The following DGAT2L6 variants were observed in gnomAD, a reference collection of about 807,000 sequenced individuals.
DGAT2L6 encodes the protein diacylglycerol O-acyltransferase 2-like protein 6.
DGAT2L6 carries 22 observed loss-of-function variants against 25.5 expected under a neutral mutation model. The observed-to-expected ratio is 0.86, with a 90% CI of 0.62 to 1.23. DGAT2L6 has a LOEUF of 1.23. DGAT2L6 is among the 50% of genes most tolerant of loss of function. The pLI, the probability that DGAT2L6 is intolerant of heterozygous loss-of-function variation, is 0.00. For synonymous variants in DGAT2L6, 100 were observed against 94.7 expected (o/e 1.06, Z -0.32); for missense variants, 287 against 253.2 (o/e 1.13, Z -0.91).
At chrX:70,185,187 C>T (rs1256997806) in intron 1 of DGAT2L6, among the ~76,000 whole-genome samples, 1 of 111,089 alleles carries the variant, frequency 9.0e-6, no homozygotes, top group Non-Finnish European at 1.9e-5. Context: ...GATGTTACTC[C>T]CAGGCCTTGG....
At chrX:70,199,211 T>C in intron 1 of DGAT2L6, 60 bp from the exon 2 acceptor site, 1 of 779,880 alleles carries the variant, frequency 1.3e-6, no homozygotes, top group Non-Finnish European at 1.9e-6. Flanking sequence ...GCCGGGGTTA[T>C]GAGAAGTATA....
intron 1 of DGAT2L6, among the ~76,000 whole-genome samples, chrX:70,179,562 CTTT>C (rs3084451): frequency 0.049 from 3,162 of 64,158 alleles, 206 homozygotes; most frequent in African/African-American, 0.21. Flanking sequence ...TCTGAGGCAG[CTTT>C]TTTTTTTTTT....
At chrX:70,202,982 G>A (rs750335199) in intron 5 of DGAT2L6, among the ~76,000 whole-genome samples, 4 of 111,646 alleles carry the variant, frequency 3.6e-5, no homozygotes, top group Non-Finnish European at 3.8e-5. Context: ...GCCTCTTTGC[G>A]GTCCCTCAAG....
chrX:70,187,113 C>T (rs2085362052), intron 1 of DGAT2L6, among the ~76,000 whole-genome samples: 1 of 111,740 alleles, frequency 8.9e-6, no homozygotes, highest in African/African-American at 3.3e-5. Flanking sequence ...AAAATCAAGT[C>T]CTGGACCATA....
intron 4 of DGAT2L6, among the ~76,000 whole-genome samples, chrX:70,201,183 A>G (rs1248712999): frequency 8.9e-6 from 1 of 112,027 alleles, no homozygotes; most frequent in Non-Finnish European, 1.9e-5. Flanking sequence ...GTCCCAGAGG[A>G]TGCTTCTACT....
At chrX:70,202,385 T>C (rs1228040437) in intron 5 of DGAT2L6, among the ~76,000 whole-genome samples, 2 of 111,939 alleles carry the variant, frequency 1.8e-5, no homozygotes, top group East Asian at 5.6e-4. Context: ...CCTAAGAATC[T>C]ACCAACTGCA....
chrX:70,188,375 A>T (rs2085365679), intron 1 of DGAT2L6, among the ~76,000 whole-genome samples: 1 of 111,812 alleles, frequency 8.9e-6, no homozygotes, highest in African/African-American at 3.2e-5. Flanking sequence ...AAAGAAAAAT[A>T]GACAAATTAG....
At position 70,199,884 on chromosome X, in the gene DGAT2L6, T is replaced by C. The variant is rs369660367; in HGVS notation, c.267+2T>C. ...TTCCGAAATTACTTCCCAGTAAAGG[T>C]GACCACTCTTCCTCGGGGTGCCCTC... On this transcript the variant is annotated splice_donor_variant, in intron 3 of 6. Coordinates refer to ENST00000333026, the MANE Select transcript of DGAT2L6 (RefSeq NM_198512.3). LOFTEE classifies it high-confidence loss of function. 1.4e-5 allele frequency: 17 copies of C among 1,206,801 alleles called. No homozygotes were observed. Among genetic ancestry groups the C allele is most frequent in the Middle Eastern group, 4.6e-4 (2 of 4,342 alleles).
intron 4 of DGAT2L6, 106 bp from the exon 5 acceptor site, chrX:70,201,784 A>T: frequency 2.2e-6 from 2 of 894,645 alleles, no homozygotes; most frequent in Non-Finnish European, 3.1e-6. Context: ...AAACAGCAAT[A>T]GTCAGAAAAC....
chrX:70,201,287 T>C (rs981451363), intron 4 of DGAT2L6, among the ~76,000 whole-genome samples: 1 of 112,124 alleles, frequency 8.9e-6, no homozygotes, highest in South Asian at 3.7e-4. Flanking sequence ...CAATAGAAGG[T>C]GAGCGCAGGG....
intron 1 of DGAT2L6, among the ~76,000 whole-genome samples, chrX:70,192,597 C>A (rs1310737577): frequency 9.0e-6 from 1 of 111,445 alleles, no homozygotes. Context: ...TATCTTGAGG[C>A]AAATGAAAAT....
intron 1 of DGAT2L6, among the ~76,000 whole-genome samples, chrX:70,186,437 A>T (rs1191989899): frequency 8.9e-6 from 1 of 112,138 alleles, no homozygotes; most frequent in Non-Finnish European, 1.9e-5. Flanking sequence ...GAGAATTTTG[A>T]TAAGCAGAAA....
chrX:70,194,628 A>T (rs1020662308), intron 1 of DGAT2L6, among the ~76,000 whole-genome samples: 1 of 111,923 alleles, frequency 8.9e-6, no homozygotes, highest in Non-Finnish European at 1.9e-5. Context: ...GGGTCCCAAG[A>T]ATACACAATG....
At chrX:70,180,318 G>A (rs112336634) in intron 1 of DGAT2L6, among the ~76,000 whole-genome samples, 11,753 of 109,974 alleles carry the variant, frequency 0.11, 1,105 homozygotes, top group African/African-American at 0.3. Context: ...GTGTGGTGGC[G>A]CGTGCCTGTA....
chrX:70,190,919 C>A, intron 1 of DGAT2L6, among the ~76,000 whole-genome samples: 1 of 112,254 alleles, frequency 8.9e-6, no homozygotes, highest in Non-Finnish European at 1.9e-5. Flanking sequence ...TCAGTCTTGG[C>A]TATAGACCTT....
intron 1 of DGAT2L6, among the ~76,000 whole-genome samples, chrX:70,191,052 A>G (rs1268364780): frequency 8.9e-6 from 1 of 112,451 alleles, no homozygotes; most frequent in Non-Finnish European, 1.9e-5. Flanking sequence ...AAATCACTCT[A>G]TAAAGACTGA....
intron 1 of DGAT2L6, among the ~76,000 whole-genome samples, chrX:70,180,989 G>A (rs1457103027): frequency 8.9e-6 from 1 of 112,287 alleles, no homozygotes; most frequent in Non-Finnish European, 1.9e-5. Flanking sequence ...TTTGGCTATT[G>A]TGAGTAATGT....
intron 5 of DGAT2L6, 103 bp downstream of exon 5, chrX:70,202,167 T>C: frequency 2.6e-6 from 2 of 760,085 alleles, no homozygotes; most frequent in Non-Finnish European, 1.8e-6. Flanking sequence ...AGGGCCCCCA[T>C]CTTCACTCTA....
chrX:70,195,487 C>CACACACAT (rs61608931), intron 1 of DGAT2L6, among the ~76,000 whole-genome samples: 1 of 110,771 alleles, frequency 9.0e-6, no homozygotes, highest in African/African-American at 3.3e-5. Flanking sequence ...CACACACACA[C>CACACACAT]GAATATTATT....
Sources: allele counts gnomAD v4.1 joint callset (sites outside exome capture counted in the v4.1 genomes callset), GRCh38; gene constraint gnomAD v4.1.1; transcripts MANE v1.5; gene names NCBI Gene and HGNC (gene_info 2026-07-23, HGNC 2026-07-21).